Variants in RBBP8NL observed in about 807,000 individuals in gnomAD.
RBBP8NL encodes the protein RBBP8 N-terminal like, also known as RBBP8 N-terminal-like protein.
Under a neutral mutation model 62.2 loss-of-function variants are expected in RBBP8NL, and 59 were observed. The observed-to-expected ratio is 0.95, with a 90% CI of 0.77 to 1.18. RBBP8NL has a LOEUF of 1.18. Ranked by LOEUF, RBBP8NL falls within the 50% of genes most tolerant of loss-of-function variation. The pLI, the probability that RBBP8NL is intolerant of heterozygous loss-of-function variation, is 0.00. For synonymous variants in RBBP8NL, 412 were observed against 394.1 expected, an observed-to-expected ratio of 1.05 and a Z score of -0.54; for missense variants, 896 against 899.5, an observed-to-expected ratio of 1.00 and a Z score of 0.05.
rs1716826173 is a variant in RBBP8NL at position 62,410,618 on chromosome 20, C to T, written c.*260G>A. Reference sequence around the variant, plus strand: ...CCTGAGACCCCTCTCGGTCCTCCAGCCCCTCTTGAAGTGGGCCAGGATGTG... The same window carrying T: ...CCTGAGACCCCTCTCGGTCCTCCAGTCCCTCTTGAAGTGGGCCAGGATGTG... On this transcript the variant is annotated 3_prime_UTR_variant, in exon 14 of 14. Transcript: ENST00000252998. 2 of 491,832 alleles carry T rather than the reference C, an allele frequency of 4.1e-6. No homozygotes were observed. Among genetic ancestry groups the T allele is most frequent in the Admixed American group, 3.8e-5 (1 of 26,068 alleles). 30.5% of individuals were successfully genotyped at this position (491,832 alleles called of 1,614,324 possible).
chr20:62,423,482 C>T (rs1362776223), intron 1 of RBBP8NL, among the ~76,000 whole-genome samples: 3 of 152,272 alleles, frequency 2.0e-5, no homozygotes, highest in South Asian at 2.1e-4. Flanking sequence ...CAGGAGGGGG[C>T]GGAGCTGCAG....
In RBBP8NL at chr20:62,415,780, C is replaced by T. The variant is rs537391865; in HGVS notation, c.544+8G>A. 3.7e-6 allele frequency: 6 copies of T among 1,611,748 alleles called. No individual in the cohort carries two copies. In the East Asian group the frequency reaches 1.1e-4, roughly 30 times the overall value. On this transcript the variant is annotated splice_region_variant and intron_variant, in intron 7 of 13. Coordinates refer to ENST00000252998, the MANE Select transcript of RBBP8NL (RefSeq NM_080833.3). Reference sequence around the variant, plus strand: ...CAGCCTCCCAGCCTCACCCGGTCCCCACAGCACCTTCTCCCCGTAGGCCCA... The same window carrying T: ...CAGCCTCCCAGCCTCACCCGGTCCCTACAGCACCTTCTCCCCGTAGGCCCA...
At chr20:62,413,007 G>A (rs992744622) in intron 11 of RBBP8NL, 107 bp from the exon 12 acceptor site, 6 of 1,280,804 alleles carry the variant, frequency 4.7e-6, no homozygotes, top group African/African-American at 1.5e-5. Context: ...GGGAAACTGA[G>A]GCACGGAGGG....
rs45628433 is a variant in RBBP8NL, at chr20:62,410,497, G to A, written c.*381C>T. 1,051 of 218,430 alleles carry A rather than the reference G, an allele frequency of 4.8e-3. 8 individuals are homozygous for A. The highest frequency in any genetic ancestry group is 8.0e-3 in the Non-Finnish European group (884 of 109,816). The allele number at this position is 218,430 out of a possible 1,614,324, so 13.5% of individuals were successfully genotyped here. A position where few individuals can be genotyped will look rare whatever the true frequency, so the allele number is the denominator to read the frequency against. On this transcript the variant is annotated 3_prime_UTR_variant, in exon 14 of 14. Transcript: ENST00000252998. ...GCTGGGCTGGAGCCTGAGTGATCCC[G>A]CCTCCAGTCCCCACACCCCTCAGGG...
chr20:62,416,293 G>GGC, intron 5 of RBBP8NL, 57 bp from the exon 6 acceptor site: 2 of 701,044 alleles, frequency 2.9e-6, no homozygotes, highest in East Asian at 3.0e-5. Flanking sequence ...AGGGGCAGGG[G>GGC]TGGGGTCGTC....
intron 1 of RBBP8NL, among the ~76,000 whole-genome samples, chr20:62,424,472 C>T (rs548131661): frequency 2.6e-5 from 4 of 152,294 alleles, no homozygotes; most frequent in African/African-American, 7.2e-5. Flanking sequence ...CCGGCAGCTC[C>T]GCCTCCTGCA....
At chr20:62,416,111 C>T (rs879207185) in intron 6 of RBBP8NL, 53 bp downstream of exon 6, 16 of 1,551,562 alleles carry the variant, frequency 1.0e-5, no homozygotes, top group African/African-American at 6.8e-5. Context: ...GGGTGCTGCT[C>T]GGGGGGTGCT....
At chr20:62,419,441 C>T in intron 2 of RBBP8NL, 146 bp downstream of exon 2, 1 of 810,410 alleles carries the variant, frequency 1.2e-6, no homozygotes, top group Non-Finnish European at 1.9e-6. Context: ...GGTCAGGACT[C>T]CCCTGCCTGG....
rs1988483687 is a variant in RBBP8NL, at chr20:62,413,504, G to A, written c.1572C>T (p.Ser524=). The A allele has an allele frequency of 6.6e-7, 1 of 1,521,068 alleles. No individual in the cohort carries two copies. The highest frequency in any genetic ancestry group is 1.8e-4 in the Middle Eastern group (1 of 5,698). 94.2% of individuals were successfully genotyped at this position (1,521,068 alleles called of 1,614,324 possible). ...CTTCATCTTCTGTACTGCCTGGAGA[G>A]GACAGGCTGAGCTGGGACCCTGGAA... The part of the protein sequence containing the change: ...RPLPGSQLSL[S]SPGSTEDEDT... Residue 524 remains serine (S), a synonymous_variant, in exon 11 of 14, where the codon TCC becomes TCT. Coordinates refer to ENST00000252998, the MANE Select transcript of RBBP8NL (RefSeq NM_080833.3).
chr20:62,415,137 C>A lies in RBBP8NL; in HGVS notation c.778G>T (p.Gly260Cys), dbSNP rs759285229. 2.7e-6 allele frequency: 4 copies of A among 1,490,978 alleles called. No individual in the cohort carries two copies. The African/African-American group carries it at 4.2e-5, about 16-fold the overall frequency. 92.4% of individuals were successfully genotyped at this position (1,490,978 alleles called of 1,614,324 possible). Residue 260 changes from glycine (G) to cysteine (C), a missense_variant, in exon 9 of 14, where the codon GGC becomes TGC. By Grantham distance (159) the Gly-to-Cys change is radical. Coordinates refer to ENST00000252998, the MANE Select transcript of RBBP8NL (RefSeq NM_080833.3). ...GGCGGGCACCTGTCCAGGGAGAGGCCACGCTCATACGCTGGGCTGGGTGGG... is the reference window on the plus strand; with the variant it reads ...GGCGGGCACCTGTCCAGGGAGAGGCAACGCTCATACGCTGGGCTGGGTGGG... ...SSPPSPAYER[G>C]LSLDSFLRAS...
chr20:62,420,373 C>CACAT (rs1555892558), intron 1 of RBBP8NL, among the ~76,000 whole-genome samples: 1,596 of 150,280 alleles, frequency 0.011, 31 homozygotes, highest in African/African-American at 0.038. Flanking sequence ...CACACACACA[C>CACAT]ACACACACAC....
In RBBP8NL at chr20:62,414,286, C is replaced by G. The variant is rs900314101; in HGVS notation, c.1065G>C (p.Leu355=). Reference sequence around the variant, plus strand: ...GCTGCTGCTGGGCCAGGAGCAGGTGCAGTGCCCCCTCCAGGCGAAGGTCCT... The same window carrying G: ...GCTGCTGCTGGGCCAGGAGCAGGTGGAGTGCCCCCTCCAGGCGAAGGTCCT... ...GMQDLRLEGA[L]HLLLAQQQLR... is the part of the protein sequence containing the mutation. The change falls in exon 10 of 14, where the codon CTG becomes CTC. Residue 355 remains leucine (L), a synonymous_variant. Transcript: ENST00000252998. 6.3e-7 allele frequency: 1 copy of G among 1,579,014 alleles called. No homozygotes were observed. Among genetic ancestry groups the G allele is most frequent in the African/African-American group, 1.3e-5 (1 of 74,402 alleles).
In RBBP8NL at chr20:62,415,906, G is replaced by A; in HGVS notation, c.426C>T (p.Asp142=). ...AGGGGAGCAGCAGGGGTGAGGGGGG[G>A]TCCGAGGTGCCCTCCTTGGCCCGGG... is the stretch of plus-strand genomic sequence containing the variant. ...PKPRAKEGTS[D]PPSPLLLPSP... The change falls in exon 7 of 14, where the codon GAC becomes GAT. Residue 142 remains aspartate (D), a synonymous_variant. Coordinates refer to ENST00000252998, the MANE Select transcript of RBBP8NL (RefSeq NM_080833.3). 7 of 1,584,798 alleles carry A rather than the reference G, an allele frequency of 4.4e-6. No individual in the cohort carries two copies. The South Asian group carries it at 6.9e-5, about 16-fold the overall frequency.
intron 5 of RBBP8NL, 58 bp from the exon 6 acceptor site, chr20:62,416,294 T>TGGGGGG: frequency 2.1e-5 from 11 of 515,290 alleles, no homozygotes; most frequent in Non-Finnish European, 3.4e-5. Flanking sequence ...GGGGCAGGGG[T>TGGGGGG]GGGGTCGTCA....
intron 1 of RBBP8NL, among the ~76,000 whole-genome samples, chr20:62,420,549 A>G (rs767949681): frequency 6.6e-6 from 1 of 152,166 alleles, no homozygotes; most frequent in Non-Finnish European, 1.5e-5. Flanking sequence ...CATACAACAC[A>G]TATGTACACA....
At position 62,416,244 on chromosome 20, in the gene RBBP8NL, A is replaced by G. The variant is rs1988563069; in HGVS notation, c.314-8T>C. 7.3e-7 allele frequency: 1 copy of G among 1,364,358 alleles called. No individual in the cohort carries two copies. The highest frequency in any genetic ancestry group is 1.6e-5 in the African/African-American group (1 of 61,678). The allele number at this position is 1,364,358 out of a possible 1,614,324, so 84.5% of individuals were successfully genotyped here. The stretch of plus-strand genomic sequence containing the variant: ...GCCCGTTCATCTCGTTGGCTGCAAA[A>G]GGCACTGATGAGCAAAGCAGCCAGG... On this transcript the variant is annotated splice_region_variant and splice_polypyrimidine_tract_variant and intron_variant, in intron 5 of 13. Transcript: ENST00000252998.
chr20:62,415,315 C>G, intron 8 of RBBP8NL, 28 bp from the exon 9 acceptor site: 3 of 1,548,940 alleles, frequency 1.9e-6, no homozygotes, highest in Non-Finnish European at 2.6e-6. Context: ...TCAGCCTGGG[C>G]GGGGGCATGC....
chr20:62,417,298 C>T lies in RBBP8NL; in HGVS notation c.126G>A (p.Glu42=). The change falls in exon 4 of 14, where the codon GAG becomes GAA. Residue 42 remains glutamate (E), a synonymous_variant. Transcript: ENST00000252998. The part of the protein sequence containing the change: ...ERCRDAQRIE[E]LFSKNHQLRE... Reference sequence around the variant, plus strand: ...GGAGCTGGTGGTTCTTGGAGAAGAGCTCCTCGATCCTCTGGGCGTCCCTGT... The same window carrying T: ...GGAGCTGGTGGTTCTTGGAGAAGAGTTCCTCGATCCTCTGGGCGTCCCTGT... 3 of 1,601,306 alleles carry T rather than the reference C, an allele frequency of 1.9e-6. No individual in the cohort carries two copies. Among genetic ancestry groups the T allele is most frequent in the Non-Finnish European group, 2.6e-6 (3 of 1,174,124 alleles).
chr20:62,417,003 T>G, intron 4 of RBBP8NL, 131 bp from the exon 5 acceptor site: 3 of 770,044 alleles, frequency 3.9e-6, no homozygotes, highest in Non-Finnish European at 6.2e-6. Context: ...CCAGGCCTCT[T>G]CCCACCCCGT....
Sources: allele counts gnomAD v4.1 joint callset (sites outside exome capture counted in the v4.1 genomes callset), GRCh38; gene constraint gnomAD v4.1.1; transcripts MANE v1.5; gene names NCBI Gene and HGNC (gene_info 2026-07-23, HGNC 2026-07-21).